Variants in DOCK1 observed in about 807,000 individuals in gnomAD.
DOCK1 encodes dedicator of cytokinesis protein 1.
DOCK1 carries 138 observed loss-of-function variants against 262.7 expected under a neutral mutation model. That is an observed-to-expected ratio of 0.53 (90% CI 0.46 to 0.61). DOCK1 has a LOEUF of 0.61. Ranked by LOEUF, DOCK1 falls within the 20% of genes least tolerant of loss-of-function variation. DOCK1 has a pLI of 0.00. For synonymous variants in DOCK1, 866 were observed against 867.4 expected (o/e 1.00, Z 0.03); for missense variants, 1,908 against 2,370.7 (o/e 0.80, Z 4.05).
intron 33 of DOCK1, among the ~76,000 whole-genome samples, chr10:127,365,296 G>A (rs1255996017): frequency 1.3e-5 from 2 of 152,046 alleles, no homozygotes; most frequent in South Asian, 2.1e-4. Context: ...ATGTAATTAC[G>A]GATTTCAAAT....
chr10:127,024,638 C>T, intron 14 of DOCK1, 47 bp from the exon 15 acceptor site: 2 of 1,518,448 alleles, frequency 1.3e-6, no homozygotes, highest in Non-Finnish European at 1.8e-6. Flanking sequence ...TATATGGTGT[C>T]AAGCTCTATG....
Position 127,373,864 on chromosome 10 carries a change from A to C in DOCK1, c.3516A>C (p.Lys1172Asn). 1 of 1,604,626 alleles carries C rather than the reference A, an allele frequency of 6.2e-7. No individual in the cohort carries two copies. The highest frequency in any genetic ancestry group is 8.5e-7 in the Non-Finnish European group (1 of 1,175,094). Residue 1172 changes from lysine to asparagine, a missense_variant and splice_region_variant, in exon 34 of 52, where the codon AAA becomes AAC. Transcript: ENST00000623213. Reference protein sequence around the residue: ...GDEQYKVLFDKILLEHCRKHK... With the variant: ...GDEQYKVLFDNILLEHCRKHK... Reference sequence around the variant, plus strand: ...AACAGTACAAAGTGTTATTTGATAAAATGTAAGTGTTGATTAGCAGTGGGA... The same window carrying C: ...AACAGTACAAAGTGTTATTTGATAACATGTAAGTGTTGATTAGCAGTGGGA...
At chr10:127,226,224 T>A (rs182442377) in intron 27 of DOCK1, among the ~76,000 whole-genome samples, 35 of 152,312 alleles carry the variant, frequency 2.3e-4, no homozygotes, top group African/African-American at 8.2e-4. Flanking sequence ...AGTTGAATGA[T>A]TATGCATAAG....
intron 23 of DOCK1, among the ~76,000 whole-genome samples, chr10:127,075,859 C>A (rs563436921): frequency 3.1e-4 from 47 of 152,218 alleles, no homozygotes; most frequent in Middle Eastern, 3.4e-3. Context: ...TCCATGTTGC[C>A]CAGGCTGAGT....
chr10:127,279,905 G>A (rs1434920537), intron 29 of DOCK1, among the ~76,000 whole-genome samples: 1 of 151,572 alleles, frequency 6.6e-6, no homozygotes, highest in Non-Finnish European at 1.5e-5. Context: ...GTATCGCCAT[G>A]TAATAGAGTT....
chr10:126,993,803 A>G (rs2135049105), intron 6 of DOCK1, among the ~76,000 whole-genome samples: 1 of 152,300 alleles, frequency 6.6e-6, no homozygotes, highest in South Asian at 2.1e-4. Context: ...AGTTTTCTGT[A>G]TTTGTCTTCC....
chr10:126,950,823 T>G (rs1447942536), intron 1 of DOCK1, among the ~76,000 whole-genome samples: 2 of 152,138 alleles, frequency 1.3e-5, no homozygotes, highest in African/African-American at 4.8e-5. Flanking sequence ...TTTCTGGTCT[T>G]TCCCAGGGCA....
intron 26 of DOCK1, 101 bp from the exon 27 acceptor site, chr10:127,127,568 T>C: frequency 1.1e-6 from 1 of 872,940 alleles, no homozygotes. Context: ...GGGTTATAAT[T>C]GATTTACTCT....
intron 1 of DOCK1, among the ~76,000 whole-genome samples, chr10:126,921,753 A>G (rs1233833933): frequency 6.6e-6 from 1 of 152,092 alleles, no homozygotes; most frequent in African/African-American, 2.4e-5. Context: ...CCTGGGTTCA[A>G]GCGATTCTCC....
At chr10:126,994,064 C>A (rs1046963008) in intron 6 of DOCK1, among the ~76,000 whole-genome samples, 2 of 152,190 alleles carry the variant, frequency 1.3e-5, no homozygotes, top group African/African-American at 4.8e-5. Flanking sequence ...CTGTTTCCAT[C>A]GGCTTGTTAA....
At position 127,312,180 on chromosome 10, in the gene DOCK1, C is replaced by T. The variant is rs114482181; in HGVS notation, c.3045-26826C>T. Among the ~76,000 whole-genome samples the T allele has an allele frequency of 2.5e-3, 379 of 152,308 alleles. 4 individuals are homozygous for T. The highest frequency in any genetic ancestry group is 8.3e-3 in the African/African-American group (343 of 41,570). On this transcript the variant is annotated intron_variant, in intron 29 of 51. Transcript: ENST00000623213. ...GCCTAAGAGCTGCCTAAGGCAGACC[C>T]ATTACTGCCTAAGAAGAAGAGAATT...
intron 29 of DOCK1, among the ~76,000 whole-genome samples, chr10:127,280,000 ATTTT>A (rs2060884528): frequency 3.0e-5 from 4 of 131,592 alleles, no homozygotes; most frequent in African/African-American, 1.1e-4. Flanking sequence ...TGGTTTTAAA[ATTTT>A]ATTTCATATA....
chr10:127,376,898 A>G (rs1331660857), intron 35 of DOCK1, among the ~76,000 whole-genome samples: 1 of 152,212 alleles, frequency 6.6e-6, no homozygotes, highest in Non-Finnish European at 1.5e-5. Flanking sequence ...GGGTCAGGAA[A>G]CAAACTCTTG....
At position 127,210,041 on chromosome 10, in the gene DOCK1, C is replaced by G. The variant is rs144306793; in HGVS notation, c.2848-37967C>G. ...CTGCTGGTACAAATCATCTTTCTCT[C>G]TTTCTAGTCACCTGGATACATTATG... is the stretch of plus-strand genomic sequence containing the variant. On this transcript the variant is annotated intron_variant, in intron 27 of 51. Transcript: ENST00000623213. Among the ~76,000 whole-genome samples, 11 of 152,292 alleles carry G rather than the reference C, an allele frequency of 7.2e-5. No individual in the cohort carries two copies. The East Asian group carries it at 2.1e-3, about 29-fold the overall frequency.
At chr10:127,090,929 G>T (rs893229486) in intron 23 of DOCK1, among the ~76,000 whole-genome samples, 1 of 150,824 alleles carries the variant, frequency 6.6e-6, no homozygotes, top group South Asian at 2.1e-4. Flanking sequence ...TGGCTGTAGC[G>T]TATAGAGCTG....
intron 23 of DOCK1, among the ~76,000 whole-genome samples, chr10:127,068,475 T>TTG (rs564602000): frequency 0.048 from 1,015 of 21,098 alleles, 5 homozygotes; most frequent in Admixed American, 0.077. Context: ...CCCTTCGTCT[T>TTG]TATATGTGTT....
intron 1 of DOCK1, among the ~76,000 whole-genome samples, chr10:126,939,326 A>G (rs930118440): frequency 3.3e-5 from 5 of 152,230 alleles, no homozygotes; most frequent in Admixed American, 2.6e-4. Context: ...ACATCAGACC[A>G]TAGCAGTAGC....
intron 23 of DOCK1, among the ~76,000 whole-genome samples, chr10:127,063,072 T>C (rs971434512): frequency 6.6e-6 from 1 of 152,256 alleles, no homozygotes. Context: ...TTCACTGGGC[T>C]GACTTATTGC....
chr10:127,374,323 G>A lies in DOCK1; in HGVS notation c.3675+109G>A, dbSNP rs149437328. On this transcript the variant is annotated intron_variant, in intron 35 of 51. Coordinates refer to ENST00000623213, the MANE Select transcript of DOCK1 (RefSeq NM_001290223.2). ...ACAGTCAGCCACGAAGCTTTCCACCGCAGAACAATCTCCTTCGCTTGTTTC... is the reference window on the plus strand; with the variant it reads ...ACAGTCAGCCACGAAGCTTTCCACCACAGAACAATCTCCTTCGCTTGTTTC... The A allele has an allele frequency of 6.8e-4, 924 of 1,350,470 alleles. 9 individuals are homozygous for A. In the East Asian group the frequency reaches 0.016, roughly 23 times the overall value. The allele number at this position is 1,350,470 out of a possible 1,614,324, so 83.7% of individuals were successfully genotyped here. A position where few individuals can be genotyped will look rare whatever the true frequency, so the allele number is the denominator to read the frequency against.
Sources: gnomAD v4.1 joint callset for allele counts (sites outside exome capture counted in the v4.1 genomes callset) on GRCh38, gnomAD v4.1.1 for gene constraint, MANE v1.5 for transcripts, NCBI Gene and HGNC (gene_info 2026-07-23, HGNC 2026-07-21) for gene names.